Variants in OR2V1 observed in about 807,000 individuals in gnomAD.
OR2V1 encodes olfactory receptor family 2 subfamily V member 1, also known as olfactory receptor 2V1.
Under a neutral mutation model 15.0 loss-of-function variants are expected in OR2V1, and 18 were observed. The ratio of observed to expected loss-of-function variants is 1.20; its 90% CI spans 0.83 to 1.78. The LOEUF is 1.78. Ranked by LOEUF, OR2V1 falls within the 40% of genes most tolerant of loss-of-function variation. The pLI, the probability that OR2V1 is intolerant of heterozygous loss-of-function variation, is 0.00. For synonymous variants in OR2V1, 144 were observed against 146.1 expected (o/e 0.99, Z 0.10); for missense variants, 359 against 392.9 (o/e 0.91, Z 0.73).
intron 1 of OR2V1, 107 bp from the exon 2 acceptor site, chr5:181,130,322 C>T (rs540414853): frequency 1.4e-4 from 56 of 398,882 alleles, no homozygotes; most frequent in African/African-American, 9.6e-4. Flanking sequence ...TTCCTCAGCC[C>T]GCACCGACTA....
intron 3 of OR2V1, among the ~76,000 whole-genome samples, chr5:181,128,850 C>T (rs1050577907): frequency 7.2e-5 from 11 of 152,154 alleles, no homozygotes; most frequent in African/African-American, 2.4e-4. Flanking sequence ...CCCGGTGCCA[C>T]GGGTGCTCGT....
chr5:181,128,353 G>A (rs573446366), intron 3 of OR2V1, among the ~76,000 whole-genome samples: 4 of 152,252 alleles, frequency 2.6e-5, no homozygotes, highest in African/African-American at 9.6e-5. Context: ...GGCCCCAACT[G>A]CATTTGCCTC....
At chr5:181,125,922 T>G (rs1582184773) in intron 3 of OR2V1, among the ~76,000 whole-genome samples, 1 of 151,918 alleles carries the variant, frequency 6.6e-6, no homozygotes, top group South Asian at 2.1e-4. Context: ...GAGGTGGAGG[T>G]TGCAGTGAGC....
At position 181,124,612 on chromosome 5, in the gene OR2V1, A is replaced by G; in HGVS notation, c.693T>C (p.Ser231=). The G allele has an allele frequency of 6.2e-7, 1 of 1,613,888 alleles. No individual in the cohort carries two copies. The highest frequency in any genetic ancestry group is 8.5e-7 in the Non-Finnish European group (1 of 1,179,916). The change falls in exon 4 of 4, where the codon TCT becomes TCC. Residue 231 remains serine, a synonymous_variant. Coordinates refer to ENST00000641551, the MANE Select transcript of OR2V1 (RefSeq NM_001258283.2). ...CCAGGGCTTTTTTCCAGGCCTGAGC[A>G]GAGCGTATTCGGAGCACAGCCCCTA... ...CILGAVLRIR[S]AQAWKKALAT...
At chr5:181,129,413 T>A (rs566838569) in intron 3 of OR2V1, 107 bp downstream of exon 3, 1 of 151,892 alleles carries the variant, frequency 6.6e-6, no homozygotes, top group South Asian at 2.1e-4. Context: ...TGGAGGGGGT[T>A]TCTACAGGAG....
Position 181,124,443 on chromosome 5 carries a change from G to T in OR2V1, c.862C>A (p.Pro288Thr), listed in dbSNP as rs777575542. The T allele has an allele frequency of 1.2e-6, 2 of 1,613,736 alleles. No homozygotes were observed. Among genetic ancestry groups the T allele is most frequent in the Non-Finnish European group, 8.5e-7 (1 of 1,179,954 alleles). Residue 288 changes from proline to threonine, a missense_variant, in exon 4 of 4, where the codon CCC becomes ACC. Transcript: ENST00000641551. ...CCATTCCTCAAGCTGTAAATGAGGG[G>T]GTTCAGCATGGGAGTAAGGACTGTG... ...FYTVLTPMLN[P>T]LIYSLRNGEV...
intron 3 of OR2V1, among the ~76,000 whole-genome samples, chr5:181,128,024 C>G (rs542996173): frequency 6.6e-6 from 1 of 152,038 alleles, no homozygotes. Flanking sequence ...TGCACTCAAC[C>G]TCTCCCCTCA....
intron 3 of OR2V1, among the ~76,000 whole-genome samples, chr5:181,126,227 A>T (rs989777909): frequency 1.4e-4 from 22 of 152,112 alleles, no homozygotes; most frequent in African/African-American, 5.3e-4. Flanking sequence ...CTGATGGGTT[A>T]TTGTAGCCTC....
At chr5:181,128,802 G>A (rs1012790112) in intron 3 of OR2V1, among the ~76,000 whole-genome samples, 4 of 152,192 alleles carry the variant, frequency 2.6e-5, no homozygotes, top group Middle Eastern at 3.2e-3. Context: ...GCTCATGTGG[G>A]TGTCTGTTCT....
In OR2V1 at chr5:181,123,428, G is replaced by C. The variant is rs978627692; in HGVS notation, c.*929C>G. 1.9e-5 allele frequency: 3 copies of C among 159,016 alleles called. No homozygotes were observed. Among genetic ancestry groups the C allele is most frequent in the Non-Finnish European group, 4.1e-5 (3 of 72,578 alleles). 9.9% of individuals were successfully genotyped at this position (159,016 alleles called of 1,614,324 possible). On this transcript the variant is annotated 3_prime_UTR_variant, in exon 4 of 4. Transcript: ENST00000641551. ...AATCAATGTATGTAAGAAATACACT[G>C]GTTCCATCCAGAAAGGCGGGGACAG... is the stretch of plus-strand genomic sequence containing the variant.
At chr5:181,127,637 T>G (rs1762892987) in intron 3 of OR2V1, among the ~76,000 whole-genome samples, 1 of 152,070 alleles carries the variant, frequency 6.6e-6, no homozygotes, top group African/African-American at 2.4e-5. Context: ...TGGCCCTAGG[T>G]CAGGGAGCTT....
Position 181,124,383 on chromosome 5 carries a change from G to A in OR2V1, c.922C>T (p.Arg308Cys), listed in dbSNP as rs145285637. The A allele has an allele frequency of 1.7e-4, 264 of 1,594,204 alleles. No individual in the cohort carries two copies. The African/African-American group carries it at 2.7e-3, about 16-fold the overall frequency. Residue 308 changes from arginine (R) to cysteine (C), a missense_variant, in exon 4 of 4, where the codon CGC becomes TGC. Coordinates refer to ENST00000641551, the MANE Select transcript of OR2V1 (RefSeq NM_001258283.2). ...CAGTGCTGGCTGCCAATCCTGCAGCGGTCCAGCCCCTTCCTCAGTGCCCCC... is the reference window on the plus strand; with the variant it reads ...CAGTGCTGGCTGCCAATCCTGCAGCAGTCCAGCCCCTTCCTCAGTGCCCCC... ...VMGALRKGLD[R>C]CRIGSQH
At chr5:181,129,283 G>A (rs1045668179) in intron 3 of OR2V1, among the ~76,000 whole-genome samples, 1 of 152,004 alleles carries the variant, frequency 6.6e-6, no homozygotes, top group Non-Finnish European at 1.5e-5. Flanking sequence ...TGCACCTGTA[G>A]TTCCAGTTAC....
In OR2V1 at chr5:181,124,598, T is replaced by C. The variant is rs750194200; in HGVS notation, c.707A>G (p.Lys236Arg). ...GGAGGAGCAGGTGGCCAGGGCTTTTTTCCAGGCCTGAGCAGAGCGTATTCG... is the reference window on the plus strand; with the variant it reads ...GGAGGAGCAGGTGGCCAGGGCTTTTCTCCAGGCCTGAGCAGAGCGTATTCG... ...VLRIRSAQAW[K>R]KALATCSSHL... Residue 236 changes from lysine (K) to arginine (R), a missense_variant, in exon 4 of 4, where the codon AAA becomes AGA. Lys to Arg is a conservative substitution (Grantham distance 26). Coordinates refer to ENST00000641551, the MANE Select transcript of OR2V1 (RefSeq NM_001258283.2). 1.9e-6 allele frequency: 3 copies of C among 1,613,148 alleles called. No homozygotes were observed. The highest frequency in any genetic ancestry group is 2.2e-5 in the East Asian group (1 of 44,894).
chr5:181,125,039 CCAGA>C lies in OR2V1; in HGVS notation c.262_265del (p.Ser88AlafsTer49). ...GCCCACAAAGGAGATGGACTTCCTG[CCAGA>C]CAGGAAGTTGGCTGCCATCTTTGGC... is the stretch of plus-strand genomic sequence containing the variant. On this transcript the variant is annotated frameshift_variant, in exon 4 of 4. Coordinates refer to ENST00000641551, the MANE Select transcript of OR2V1 (RefSeq NM_001258283.2). LOFTEE classifies it high-confidence loss of function. 6.2e-7 allele frequency: 1 copy of C among 1,614,176 alleles called. No homozygotes were observed. The highest frequency in any genetic ancestry group is 1.3e-5 in the African/African-American group (1 of 75,032).
intron 3 of OR2V1, among the ~76,000 whole-genome samples, chr5:181,128,283 C>T (rs767929225): frequency 6.6e-5 from 10 of 152,086 alleles, no homozygotes; most frequent in Admixed American, 1.3e-4. Flanking sequence ...AGCCAGCACG[C>T]ATCCCTGCCA....
Position 181,124,526 on chromosome 5 carries a change from T to C in OR2V1, c.779A>G (p.Tyr260Cys). ...TLFYGAAMFMYLRPRRYRAPS... is the reference protein window; with the variant it reads ...TLFYGAAMFMCLRPRRYRAPS... ...GGCCCGGTAGCGCCTAGGCCTCAGGTACATGAACATGGCTGCCCCATAGAA... is the reference window on the plus strand; with the variant it reads ...GGCCCGGTAGCGCCTAGGCCTCAGGCACATGAACATGGCTGCCCCATAGAA... Residue 260 changes from tyrosine to cysteine, a missense_variant, in exon 4 of 4, where the codon TAC (tyrosine) becomes TGC (cysteine). Physicochemically the swap from Tyr to Cys is radical, Grantham distance 194. Coordinates refer to ENST00000641551, the MANE Select transcript of OR2V1 (RefSeq NM_001258283.2). 1.9e-6 allele frequency: 3 copies of C among 1,613,612 alleles called. No individual in the cohort carries two copies. In the East Asian group the frequency reaches 6.7e-5, roughly 36 times the overall value.
chr5:181,130,481 A>G, intron 1 of OR2V1: 1 of 372,768 alleles, frequency 2.7e-6, no homozygotes, highest in African/African-American at 2.1e-5. Flanking sequence ...TGGAGCCAGG[A>G]GCAGTGCCCT....
chr5:181,124,442 G>T lies in OR2V1; in HGVS notation c.863C>A (p.Pro288His). 2 of 1,613,824 alleles carry T rather than the reference G, an allele frequency of 1.2e-6. 1 individual carries two copies. The highest frequency in any genetic ancestry group is 2.2e-5 in the South Asian group (2 of 91,056). The change falls in exon 4 of 4, where the codon CCC (proline) becomes CAC (histidine). Residue 288 changes from proline (P) to histidine (H), a missense_variant. Physicochemically the swap from Pro to His is moderately conservative, Grantham distance 77 (BLOSUM62 -2). Coordinates refer to ENST00000641551, the MANE Select transcript of OR2V1 (RefSeq NM_001258283.2). ...CCCATTCCTCAAGCTGTAAATGAGGGGGTTCAGCATGGGAGTAAGGACTGT... is the reference window on the plus strand; with the variant it reads ...CCCATTCCTCAAGCTGTAAATGAGGTGGTTCAGCATGGGAGTAAGGACTGT... ...FYTVLTPMLN[P>H]LIYSLRNGEV...
Sources: gnomAD v4.1 joint callset for allele counts (sites outside exome capture counted in the v4.1 genomes callset) on GRCh38, gnomAD v4.1.1 for gene constraint, MANE v1.5 for transcripts, NCBI Gene and HGNC (gene_info 2026-07-23, HGNC 2026-07-21) for gene names.